Variants in PLCB4 observed in about 807,000 individuals in gnomAD.
PLCB4 encodes the protein phospholipase C beta 4.
A neutral mutation model predicts 178.8 loss-of-function variants in PLCB4; 77 were observed. That is an observed-to-expected ratio of 0.43 (90% CI 0.36 to 0.52). The LOEUF is 0.52. Among genes scored for constraint, PLCB4 ranks in the 20% least tolerant of loss-of-function variants. The probability of loss-of-function intolerance (pLI) is 0.00; values close to 1 mark genes in which losing one functional copy is unlikely to be tolerated. For missense variants in PLCB4, 1,024 were observed against 1,453.4 expected, an observed-to-expected ratio of 0.70 and a Z score of 4.80; for synonymous variants, 496 against 490.8, an observed-to-expected ratio of 1.01 and a Z score of -0.14.
At chr20:9,378,447 T>A (rs1446032744) in intron 12 of PLCB4, among the ~76,000 whole-genome samples, 1 of 152,128 alleles carries the variant, frequency 6.6e-6, no homozygotes, top group Non-Finnish European at 1.5e-5. Context: ...TGTTTGTTTT[T>A]AAAACAATGC....
intron 7 of PLCB4, among the ~76,000 whole-genome samples, chr20:9,340,754 G>A (rs1001418579): frequency 6.0e-5 from 8 of 132,466 alleles, no homozygotes; most frequent in African/African-American, 8.6e-5. Context: ...GCAGATATAC[G>A]CTGGACCTCT....
chr20:9,331,929 C>T (rs2031724277), intron 4 of PLCB4, among the ~76,000 whole-genome samples: 1 of 152,140 alleles, frequency 6.6e-6, no homozygotes. Flanking sequence ...TGCCCTCTGG[C>T]CTCTGCTTAA....
chr20:9,109,433 G>C (rs2091494981), intron 2 of PLCB4, among the ~76,000 whole-genome samples: 1 of 151,642 alleles, frequency 6.6e-6, no homozygotes. Flanking sequence ...ATGTGGGATT[G>C]TAATGCATGA....
chr20:9,128,270 C>T (rs183715997), intron 2 of PLCB4, among the ~76,000 whole-genome samples: 37 of 152,218 alleles, frequency 2.4e-4, no homozygotes, highest in African/African-American at 6.3e-4. Flanking sequence ...GTAAACTTCC[C>T]GAGGCCCTTA....
intron 4 of PLCB4, among the ~76,000 whole-genome samples, chr20:9,325,926 G>A (rs543893436): frequency 1.1e-4 from 17 of 152,286 alleles, no homozygotes; most frequent in African/African-American, 3.8e-4. Context: ...TGGAGGCTGC[G>A]ATGCTTAACA....
chr20:9,430,094 AT>A (rs2041295755), intron 28 of PLCB4, among the ~76,000 whole-genome samples: 1 of 152,064 alleles, frequency 6.6e-6, no homozygotes, highest in Admixed American at 6.5e-5. Context: ...AATTTAAAAA[AT>A]AAAAATAAAA....
At chr20:9,291,807 C>T (rs1424178829) in intron 3 of PLCB4, among the ~76,000 whole-genome samples, 1 of 152,102 alleles carries the variant, frequency 6.6e-6, no homozygotes, top group Non-Finnish European at 1.5e-5. Flanking sequence ...TGTGGATGAA[C>T]ATATGAAGAC....
At chr20:9,468,750 C>A in intron 36 of PLCB4, 78 bp downstream of exon 36, 2 of 774,156 alleles carry the variant, frequency 2.6e-6, no homozygotes, top group Non-Finnish European at 4.5e-6. Context: ...TGTGTGTACA[C>A]ACACACACAA....
At chr20:9,390,960 C>T (rs2148413101) in intron 17 of PLCB4, among the ~76,000 whole-genome samples, 1 of 152,170 alleles carries the variant, frequency 6.6e-6, no homozygotes, top group African/African-American at 2.4e-5. Flanking sequence ...GTGCCAGGGC[C>T]CCACTTGGAG....
intron 2 of PLCB4, among the ~76,000 whole-genome samples, chr20:9,107,703 G>T (rs1172294785): frequency 6.6e-6 from 1 of 152,048 alleles, no homozygotes; most frequent in Middle Eastern, 3.2e-3. Flanking sequence ...TTCGACTCCT[G>T]CTGTAAATGG....
intron 2 of PLCB4, among the ~76,000 whole-genome samples, chr20:9,192,653 A>G (rs1453637954): frequency 6.6e-6 from 1 of 151,270 alleles, no homozygotes; most frequent in Admixed American, 6.6e-5. Context: ...CTCTACAAAA[A>G]CAAACAAAAA....
chr20:9,228,753 G>A (rs2093897430), intron 3 of PLCB4, among the ~76,000 whole-genome samples: 1 of 152,174 alleles, frequency 6.6e-6, no homozygotes, highest in Non-Finnish European at 1.5e-5. Flanking sequence ...ACTATAATGG[G>A]AGAACTTCTT....
chr20:9,387,661 G>A (rs944780770), intron 15 of PLCB4, 105 bp downstream of exon 15: 6 of 565,800 alleles, frequency 1.1e-5, no homozygotes, highest in Non-Finnish European at 1.9e-5. Context: ...CAAGCATTAT[G>A]CCTTCATATT....
intron 2 of PLCB4, among the ~76,000 whole-genome samples, chr20:9,205,279 T>A (rs965752900): frequency 6.6e-6 from 1 of 152,170 alleles, no homozygotes; most frequent in Non-Finnish European, 1.5e-5. Flanking sequence ...TGTAGGCCAA[T>A]GTAAGCATTC....
intron 19 of PLCB4, among the ~76,000 whole-genome samples, chr20:9,398,025 G>A (rs1303787437): frequency 6.6e-6 from 1 of 152,140 alleles, no homozygotes; most frequent in Non-Finnish European, 1.5e-5. Context: ...TGGGAGCTCC[G>A]CTGGGCCTCA....
At chr20:9,389,730 C>G (rs1425068930) in intron 15 of PLCB4, 149 bp from the exon 16 acceptor site, 1 of 572,806 alleles carries the variant, frequency 1.7e-6, no homozygotes, top group African/African-American at 1.9e-5. Context: ...GGAACTCAAC[C>G]TTTAGAGGTG....
In PLCB4 at chr20:9,138,830, T is replaced by C. The variant is rs907668968; in HGVS notation, c.-79+42488T>C. 2.0e-5 allele frequency among the ~76,000 whole-genome samples: 3 copies of C among 152,100 alleles called. No individual in the cohort carries two copies. In the East Asian group the frequency reaches 5.8e-4, roughly 29 times the overall value. ...AAGGTGGGCTAATTGATGAAGACTGTCTTATCATTACAACAGTTATAGATG... is the reference window on the plus strand; with the variant it reads ...AAGGTGGGCTAATTGATGAAGACTGCCTTATCATTACAACAGTTATAGATG... On this transcript the variant is annotated intron_variant, in intron 2 of 39. Transcript: ENST00000378473.
intron 2 of PLCB4, among the ~76,000 whole-genome samples, chr20:9,145,323 C>T (rs1042526244): frequency 1.3e-5 from 2 of 151,996 alleles, no homozygotes; most frequent in Non-Finnish European, 2.9e-5. Context: ...ATGTTTTTCT[C>T]TAAAAAATAA....
At chr20:9,329,891 C>G (rs2031371312) in intron 4 of PLCB4, among the ~76,000 whole-genome samples, 1 of 152,024 alleles carries the variant, frequency 6.6e-6, no homozygotes, top group South Asian at 2.1e-4. Context: ...AGCAAGAGAC[C>G]AAGCTCATGA....
Sources: gnomAD v4.1 joint callset for allele counts (sites outside exome capture counted in the v4.1 genomes callset) on GRCh38, gnomAD v4.1.1 for gene constraint, MANE v1.5 for transcripts, NCBI Gene and HGNC (gene_info 2026-07-23, HGNC 2026-07-21) for gene names.